The following COL5A1 variants were observed in gnomAD, a reference collection of about 807,000 sequenced individuals.
COL5A1 encodes the protein collagen type V alpha 1 chain, also known as collagen alpha-1(V) chain.
Under a neutral mutation model 263.7 loss-of-function variants are expected in COL5A1, and 16 were observed. The ratio of observed to expected loss-of-function variants is 0.06; its 90% CI spans 0.04 to 0.09. The LOEUF (loss-of-function observed/expected upper bound fraction) is 0.09, where lower values mean the gene tolerates loss of function less well. Among genes scored for constraint, COL5A1 ranks in the 10% least tolerant of loss-of-function variants. COL5A1 has a pLI of 1.00. For synonymous variants in COL5A1, 1,012 were observed against 1,004.5 expected (o/e 1.01, Z -0.14); for missense variants, 2,036 against 2,540.5 (o/e 0.80, Z 4.27).
At chr9:134,705,066 C>T (rs1010300733) in intron 4 of COL5A1, among the ~76,000 whole-genome samples, 1 of 152,206 alleles carries the variant, frequency 6.6e-6, no homozygotes, top group Admixed American at 6.5e-5. Context: ...AACTTCCGCT[C>T]ATTCAAAGCC....
chr9:134,805,405 G>A (rs1302002871), intron 41 of COL5A1, among the ~76,000 whole-genome samples, 191 bp downstream of exon 41: 1 of 152,176 alleles, frequency 6.6e-6, no homozygotes, highest in Non-Finnish European at 1.5e-5. Flanking sequence ...GGATGACGAA[G>A]GGTCCCAGGG....
chr9:134,733,704 C>T (rs561207154), intron 9 of COL5A1, among the ~76,000 whole-genome samples: 1 of 152,238 alleles, frequency 6.6e-6, no homozygotes, highest in East Asian at 1.9e-4. Flanking sequence ...GGCGGACTCA[C>T]CCAGAAGCAG....
chr9:134,826,214 C>T (rs1405011393), intron 63 of COL5A1, among the ~76,000 whole-genome samples: 1 of 152,202 alleles, frequency 6.6e-6, no homozygotes, highest in Non-Finnish European at 1.5e-5. Context: ...ACTCAGTGGT[C>T]CCACTGACCT....
chr9:134,834,932 T>C, intron 64 of COL5A1, 39 bp from the exon 65 acceptor site: 1 of 1,435,462 alleles, frequency 7.0e-7, no homozygotes, highest in Non-Finnish European at 9.7e-7. Context: ...GCTGTGTGTG[T>C]CCCCACCCTG....
intron 25 of COL5A1, among the ~76,000 whole-genome samples, chr9:134,772,158 G>C (rs1836885207): frequency 6.6e-6 from 1 of 152,164 alleles, no homozygotes; most frequent in African/African-American, 2.4e-5. Context: ...CTCAAACGAG[G>C]CAGCTGTTTG....
intron 11 of COL5A1, among the ~76,000 whole-genome samples, chr9:134,748,302 CAT>C (rs1272136965): frequency 5.3e-5 from 8 of 152,004 alleles, no homozygotes; most frequent in East Asian, 1.9e-4. Flanking sequence ...TGCACACACA[CAT>C]GCATTGATAG....
At chr9:134,806,603 A>G (rs1044830649) in intron 42 of COL5A1, among the ~76,000 whole-genome samples, 1 of 152,290 alleles carries the variant, frequency 6.6e-6, no homozygotes, top group South Asian at 2.1e-4. Context: ...TGTTCCCCAC[A>G]TGCGTGGACA....
At chr9:134,738,328 G>T (rs1835177153) in intron 9 of COL5A1, 146 bp from the exon 10 acceptor site, 1 of 823,262 alleles carries the variant, frequency 1.2e-6, no homozygotes, top group Non-Finnish European at 1.9e-6. Context: ...GGCCCCCTTT[G>T]CAGTCTGTGC....
intron 63 of COL5A1, among the ~76,000 whole-genome samples, chr9:134,827,491 G>A (rs374536734): frequency 2.6e-5 from 4 of 152,256 alleles, no homozygotes; most frequent in Admixed American, 1.3e-4. Context: ...GAGGCCCCGC[G>A]TGGAATTCCC....
chr9:134,822,890 C>CGGG (rs1362245273), intron 59 of COL5A1, 108 bp from the exon 60 acceptor site: 4 of 1,218,850 alleles, frequency 3.3e-6, no homozygotes, highest in Non-Finnish European at 4.8e-6. Flanking sequence ...GAGGGGGATG[C>CGGG]GGGTGGGAGA....
At chr9:134,739,262 G>C (rs1181676639) in intron 11 of COL5A1, among the ~76,000 whole-genome samples, 2 of 152,250 alleles carry the variant, frequency 1.3e-5, no homozygotes, top group Admixed American at 6.5e-5. Flanking sequence ...CTCGCCGCGG[G>C]AGGAGATGGA....
chr9:134,751,691 C>T (rs1441570709), intron 13 of COL5A1, among the ~76,000 whole-genome samples: 1 of 152,312 alleles, frequency 6.6e-6, no homozygotes, highest in African/African-American at 2.4e-5. Context: ...AATCCTCCAG[C>T]GGAGTGCAAG....
chr9:134,745,009 G>A (rs568643813), intron 11 of COL5A1, among the ~76,000 whole-genome samples: 1 of 152,250 alleles, frequency 6.6e-6, no homozygotes, highest in East Asian at 1.9e-4. Flanking sequence ...CTGCAGGCTT[G>A]TGTGCCCGAA....
intron 34 of COL5A1, 100 bp downstream of exon 34, chr9:134,795,415 A>T: frequency 1.1e-6 from 1 of 935,136 alleles, no homozygotes; most frequent in Non-Finnish European, 1.6e-6. Context: ...TTTTTATTAA[A>T]AAAAAAAAAA....
chr9:134,646,791 G>A (rs1588396414), intron 1 of COL5A1, among the ~76,000 whole-genome samples: 2 of 152,156 alleles, frequency 1.3e-5, no homozygotes, highest in East Asian at 3.9e-4. Context: ...TCGGATGTGG[G>A]AGGGGACATT....
At chr9:134,667,157 T>G (rs1275033752) in intron 1 of COL5A1, among the ~76,000 whole-genome samples, 1 of 152,220 alleles carries the variant, frequency 6.6e-6, no homozygotes, top group Non-Finnish European at 1.5e-5. Context: ...ATGGTGACTT[T>G]CCCAGCACAG....
At chr9:134,766,003 A>G (rs984980381) in intron 21 of COL5A1, among the ~76,000 whole-genome samples, 8 of 152,194 alleles carry the variant, frequency 5.3e-5, no homozygotes, top group African/African-American at 1.9e-4. Flanking sequence ...GGCAGACAGC[A>G]TGTGCTATTT....
At chr9:134,747,961 GCACACATGCATTCACA>G (rs1385055729) in intron 11 of COL5A1, among the ~76,000 whole-genome samples, 14 of 112,206 alleles carry the variant, frequency 1.2e-4, no homozygotes, top group East Asian at 5.7e-4. Flanking sequence ...GCAGACACAT[GCACACATGCATTCACA>G]CACACATGCA....
At chr9:134,808,929 C>T in intron 42 of COL5A1, 1 of 562,388 alleles carries the variant, frequency 1.8e-6, no homozygotes, top group Non-Finnish European at 3.2e-6. Context: ...CTCAGTTTCC[C>T]CATCTGTAAA....
Sources: gnomAD v4.1 joint callset for allele counts (sites outside exome capture counted in the v4.1 genomes callset) on GRCh38, gnomAD v4.1.1 for gene constraint, MANE v1.5 for transcripts, NCBI Gene and HGNC (gene_info 2026-07-23, HGNC 2026-07-21) for gene names.